RCAN2: variants seen among roughly 807,000 people sequenced by gnomAD.
The protein encoded by RCAN2 is calcipressin-2.
RCAN2 carries 9 observed loss-of-function variants against 23.6 expected under a neutral mutation model. The observed-to-expected ratio is 0.38, with a 90% CI of 0.23 to 0.67. RCAN2 has a LOEUF of 0.67. Ranked by LOEUF, RCAN2 falls within the 30% of genes least tolerant of loss-of-function variation. RCAN2 has a pLI of 0.51. For missense variants in RCAN2, 273 were observed against 302.3 expected (o/e 0.90, Z 0.72); for synonymous variants, 109 against 115.7 (o/e 0.94, Z 0.37).
chr6:46,387,645 A>G (rs1386273863), intron 2 of RCAN2, among the ~76,000 whole-genome samples: 2 of 152,184 alleles, frequency 1.3e-5, no homozygotes, highest in Admixed American at 6.5e-5. Flanking sequence ...ACACTTTTAC[A>G]CTGTTGATGG....
At chr6:46,273,652 T>C (rs1767593244) in intron 2 of RCAN2, among the ~76,000 whole-genome samples, 1 of 152,142 alleles carries the variant, frequency 6.6e-6, no homozygotes. Context: ...GCATAAATAA[T>C]AAACATGAAC....
At chr6:46,236,176 G>A (rs1582014219) in intron 4 of RCAN2, among the ~76,000 whole-genome samples, 1 of 152,330 alleles carries the variant, frequency 6.6e-6, no homozygotes, top group South Asian at 2.1e-4. Context: ...CTGAACAATT[G>A]CAAAGAGCTT....
intron 2 of RCAN2, among the ~76,000 whole-genome samples, chr6:46,313,754 T>A (rs1396738242): frequency 2.6e-5 from 4 of 152,220 alleles, no homozygotes; most frequent in Non-Finnish European, 5.9e-5. Context: ...GAGAATCATA[T>A]ACTTCCTGAC....
intron 2 of RCAN2, among the ~76,000 whole-genome samples, chr6:46,392,411 T>G (rs1055576971): frequency 6.6e-6 from 1 of 152,200 alleles, no homozygotes; most frequent in African/African-American, 2.4e-5. Context: ...AAATATTTCT[T>G]GGATGTCTGC....
intron 2 of RCAN2, among the ~76,000 whole-genome samples, chr6:46,330,653 C>G (rs1168980254): frequency 6.6e-6 from 1 of 152,166 alleles, no homozygotes; most frequent in African/African-American, 2.4e-5. Context: ...TGTTCCTTCT[C>G]TTCCTTCTTT....
At chr6:46,377,402 T>C (rs1166371832) in intron 2 of RCAN2, among the ~76,000 whole-genome samples, 1 of 152,206 alleles carries the variant, frequency 6.6e-6, no homozygotes, top group Non-Finnish European at 1.5e-5. Context: ...CTTTCTTACG[T>C]GACTAAACGG....
intron 2 of RCAN2, among the ~76,000 whole-genome samples, chr6:46,316,553 G>A (rs1436360534): frequency 6.6e-6 from 1 of 152,152 alleles, no homozygotes; most frequent in Non-Finnish European, 1.5e-5. Flanking sequence ...AAAAGGAACT[G>A]AGGAGAATAA....
At chr6:46,225,450 T>G (rs1004891537) in intron 4 of RCAN2, among the ~76,000 whole-genome samples, 33 of 152,202 alleles carry the variant, frequency 2.2e-4, no homozygotes, top group Non-Finnish European at 4.1e-4. Flanking sequence ...ACCTGTTGTT[T>G]CCTGACTTTT....
chr6:46,472,944 C>A (rs1768609998), intron 1 of RCAN2, among the ~76,000 whole-genome samples: 1 of 152,168 alleles, frequency 6.6e-6, no homozygotes, highest in African/African-American at 2.4e-5. Context: ...CTTCTGGTAG[C>A]TCAGAGCGAG....
chr6:46,358,329 C>T (rs1170121826), intron 2 of RCAN2, among the ~76,000 whole-genome samples: 3 of 152,136 alleles, frequency 2.0e-5, no homozygotes, highest in Non-Finnish European at 4.4e-5. Context: ...AGCACACTTC[C>T]CCAGGGCTTC....
At chr6:46,399,595 T>C (rs2150402180) in intron 2 of RCAN2, among the ~76,000 whole-genome samples, 1 of 152,058 alleles carries the variant, frequency 6.6e-6, no homozygotes, top group Admixed American at 6.5e-5. Flanking sequence ...TGATTCCCTC[T>C]GGAGACCCTT....
At chr6:46,296,853 C>A (rs2150348687) in intron 2 of RCAN2, among the ~76,000 whole-genome samples, 1 of 152,198 alleles carries the variant, frequency 6.6e-6, no homozygotes, top group Admixed American at 6.5e-5. Flanking sequence ...CTGTAAATCT[C>A]TTCTGCTACC....
intron 2 of RCAN2, among the ~76,000 whole-genome samples, chr6:46,323,905 G>A (rs959627344): frequency 7.9e-5 from 12 of 152,136 alleles, no homozygotes; most frequent in South Asian, 4.1e-4. Flanking sequence ...TTTCTGAAAC[G>A]AATAAAGTTT....
chr6:46,290,081 G>A (rs974885363), intron 2 of RCAN2, among the ~76,000 whole-genome samples: 2 of 152,038 alleles, frequency 1.3e-5, no homozygotes, highest in African/African-American at 2.4e-5. Flanking sequence ...GAATGACACT[G>A]TGGGGCAAAG....
At chr6:46,459,502 A>T (rs1479865344) in intron 1 of RCAN2, among the ~76,000 whole-genome samples, 1 of 152,230 alleles carries the variant, frequency 6.6e-6, no homozygotes, top group Non-Finnish European at 1.5e-5. Context: ...TATTATCTTC[A>T]TGAGATTTTA....
intron 2 of RCAN2, among the ~76,000 whole-genome samples, chr6:46,410,776 A>G (rs1481488218): frequency 1.3e-5 from 2 of 152,216 alleles, no homozygotes; most frequent in Non-Finnish European, 2.9e-5. Flanking sequence ...TCAAAAACAC[A>G]TTAATAATAT....
At chr6:46,235,185 A>T (rs753765746) in intron 4 of RCAN2, among the ~76,000 whole-genome samples, 3 of 152,234 alleles carry the variant, frequency 2.0e-5, no homozygotes, top group Admixed American at 1.3e-4. Context: ...ACAGAGCTAC[A>T]TGTCTATGTA....
intron 1 of RCAN2, among the ~76,000 whole-genome samples, chr6:46,487,161 C>A (rs773939060): frequency 1.3e-5 from 2 of 152,146 alleles, no homozygotes; most frequent in Non-Finnish European, 2.9e-5. Flanking sequence ...GTATGACCAA[C>A]CTTGGCAATA....
intron 1 of RCAN2, among the ~76,000 whole-genome samples, chr6:46,458,666 T>C: frequency 1.3e-5 from 2 of 152,306 alleles, no homozygotes; most frequent in South Asian, 4.1e-4. Context: ...AGGAAAAACA[T>C]GTAATAGCAT....
Sources: allele counts gnomAD v4.1 joint callset (sites outside exome capture counted in the v4.1 genomes callset), GRCh38; gene constraint gnomAD v4.1.1; transcripts MANE v1.5; gene names NCBI Gene and HGNC (gene_info 2026-07-23, HGNC 2026-07-21).